PLLP: variants seen among roughly 807,000 people sequenced by gnomAD.
The protein encoded by PLLP is plasmolipin, also known as plasma membrane proteolipid (plasmolipin).
In PLLP, 15 loss-of-function variants were observed where a neutral mutation model predicts 19.7. The observed-to-expected ratio is 0.76, with a 90% CI of 0.51 to 1.17. PLLP has a LOEUF of 1.17. Among genes scored for constraint, PLLP ranks in the 50% most tolerant of loss-of-function variants. PLLP has a pLI of 0.00. For synonymous variants in PLLP, 111 were observed against 116.3 expected (o/e 0.95, Z 0.29); for missense variants, 255 against 258.3 (o/e 0.99, Z 0.09).
At chr16:57,280,560 A>C (rs11645089) in intron 1 of PLLP, among the ~76,000 whole-genome samples, 76,516 of 151,938 alleles carry the variant, frequency 0.5, 19,694 homozygotes, top group South Asian at 0.71. Context: ...ATCCATTGGC[A>C]AGAGAAAACA....
intron 1 of PLLP, among the ~76,000 whole-genome samples, chr16:57,270,983 G>A (rs545816674): frequency 6.6e-6 from 1 of 152,106 alleles, no homozygotes; most frequent in Non-Finnish European, 1.5e-5. Flanking sequence ...GCTTGGCAGC[G>A]AGGGTCGCCA....
chr16:57,284,546 C>A lies in PLLP; in HGVS notation c.-6G>T. On this transcript the variant is annotated 5_prime_UTR_variant, in exon 1 of 4. Transcript: ENST00000219207. ...TTCGACGGGAACTCGGCCATGGCGG[C>A]TCCGCTTGCCTCCCGAGGTCGCTAC... 1 of 1,346,732 alleles carries A rather than the reference C, an allele frequency of 7.4e-7. No individual in the cohort carries two copies. The highest frequency in any genetic ancestry group is 2.1e-5 in the South Asian group (1 of 47,424). The allele number at this position is 1,346,732 out of a possible 1,614,324, so 83.4% of individuals were successfully genotyped here.
At chr16:57,266,336 G>GC (rs1169080772) in intron 1 of PLLP, among the ~76,000 whole-genome samples, 1 of 152,182 alleles carries the variant, frequency 6.6e-6, no homozygotes, top group African/African-American at 2.4e-5. Flanking sequence ...CTCTGTGCCT[G>GC]CGGAGCTGCC....
intron 1 of PLLP, among the ~76,000 whole-genome samples, chr16:57,262,709 TCAGAGA>T (rs1264229706): frequency 6.6e-6 from 1 of 151,994 alleles, no homozygotes; most frequent in African/African-American, 2.4e-5. Context: ...CATGCCAACC[TCAGAGA>T]CAGAGTGAAA....
Position 57,277,393 on chromosome 16 carries a change from C to T in PLLP, c.135+7013G>A, listed in dbSNP as rs1262434891. Among the ~76,000 whole-genome samples the T allele has an allele frequency of 2.6e-5, 4 of 152,146 alleles. No homozygotes were observed. The East Asian group carries it at 5.8e-4, about 22-fold the overall frequency. On this transcript the variant is annotated intron_variant, in intron 1 of 3. Coordinates refer to ENST00000219207, the MANE Select transcript of PLLP (RefSeq NM_015993.3). ...TCACCTGAGGTCAGGAGTTTGAGAC[C>T]AGCCTGATCAACATGGTGAAACCCT...
chr16:57,273,153 G>T (rs1901097697), intron 1 of PLLP, among the ~76,000 whole-genome samples: 1 of 151,974 alleles, frequency 6.6e-6, no homozygotes, highest in African/African-American at 2.4e-5. Flanking sequence ...CCAGCTACTG[G>T]GGAGGCTGAG....
intron 1 of PLLP, among the ~76,000 whole-genome samples, chr16:57,265,415 C>A (rs2075454076): frequency 6.6e-6 from 1 of 152,224 alleles, no homozygotes; most frequent in South Asian, 2.1e-4. Context: ...ATTATTTTTT[C>A]ATTTAAAGCC....
chr16:57,269,350 G>T (rs1341674722), intron 1 of PLLP, among the ~76,000 whole-genome samples: 4 of 152,208 alleles, frequency 2.6e-5, no homozygotes, highest in African/African-American at 9.7e-5. Flanking sequence ...CTCACTGTGT[G>T]GCCTTGGGGG....
In PLLP at chr16:57,280,598, C is replaced by T. The variant is rs191128844; in HGVS notation, c.135+3808G>A. On this transcript the variant is annotated intron_variant, in intron 1 of 3. Coordinates refer to ENST00000219207, the MANE Select transcript of PLLP (RefSeq NM_015993.3). ...ACAAAACAAAACAAAGACCTGCCTC[C>T]TTTTTTAGACGCTATCTGCATAGAT... Among the ~76,000 whole-genome samples the T allele has an allele frequency of 6.4e-3, 979 of 152,226 alleles. 12 individuals carry two copies. Among genetic ancestry groups the T allele is most frequent in the African/African-American group, 0.022 (909 of 41,520 alleles).
rs1399854281 is a variant in PLLP at position 57,258,718 on chromosome 16, T to TA, written c.310-135dup. 14 of 830,558 alleles carry TA rather than the reference T, an allele frequency of 1.7e-5. No homozygotes were observed. The South Asian group carries it at 1.9e-4, about 11-fold the overall frequency. The allele number at this position is 830,558 out of a possible 1,614,324, so 51.4% of individuals were successfully genotyped here. A position where few individuals can be genotyped will look rare whatever the true frequency, so the allele number is the denominator to read the frequency against. On this transcript the variant is annotated intron_variant, in intron 2 of 3. Transcript: ENST00000219207. ...GGAAGGATCGCTTGAGCCCAGGAGT[T>TA]AGAGACCAGCCTGGGGAACATAGGT...
At chr16:57,270,872 T>C (rs1472571045) in intron 1 of PLLP, among the ~76,000 whole-genome samples, 3 of 152,158 alleles carry the variant, frequency 2.0e-5, no homozygotes, top group Non-Finnish European at 1.5e-5. Flanking sequence ...AGCTCTCTTT[T>C]CTCGTCGGAA....
intron 1 of PLLP, among the ~76,000 whole-genome samples, chr16:57,262,922 C>T (rs75910213): frequency 0.1 from 15,248 of 152,050 alleles, 924 homozygotes; most frequent in South Asian, 0.24. Flanking sequence ...CCCCCAGGCA[C>T]CCACCATCCA....
chr16:57,266,866 T>C (rs77191454), intron 1 of PLLP, among the ~76,000 whole-genome samples: 1 of 137,780 alleles, frequency 7.3e-6, no homozygotes, highest in Non-Finnish European at 1.6e-5. Context: ...ACAGGGCCTT[T>C]TTTTTTTTTT....
Position 57,261,898 on chromosome 16 carries a change from A to C in PLLP, c.308T>G (p.Val103Gly). Residue 103 changes from valine (V) to glycine (G), a missense_variant and splice_region_variant, in exon 2 of 4, where the codon GTG (valine) becomes GGG (glycine). Physicochemically the swap from Val to Gly is moderately radical, Grantham distance 109. Coordinates refer to ENST00000219207, the MANE Select transcript of PLLP (RefSeq NM_015993.3). ...MKLYMVPWPL[V>G]LMIFNISATV... ...TCCAGTACCCCCACCCAGACTCACC[A>C]CCAGTGGCCAGGGAACCATGTACAA... 1 of 1,613,676 alleles carries C rather than the reference A, an allele frequency of 6.2e-7. No homozygotes were observed. Among genetic ancestry groups the C allele is most frequent in the Non-Finnish European group, 8.5e-7 (1 of 1,179,620 alleles).
At position 57,256,805 on chromosome 16, in the gene PLLP, T is replaced by C. The variant is rs2075427121; in HGVS notation, c.*108A>G. 1.4e-6 allele frequency: 1 copy of C among 728,268 alleles called. No individual in the cohort carries two copies. Among genetic ancestry groups the C allele is most frequent in the African/African-American group, 1.7e-5 (1 of 57,874 alleles). The allele number at this position is 728,268 out of a possible 1,614,324, so 45.1% of individuals were successfully genotyped here. A position where few individuals can be genotyped will look rare whatever the true frequency, so the allele number is the denominator to read the frequency against. The stretch of plus-strand genomic sequence containing the variant: ...GGCAGAGAGGAGCAAATGCAGTCCC[T>C]GTTGGGCTGACTCCACGCAGGGCTC... On this transcript the variant is annotated 3_prime_UTR_variant, in exon 4 of 4. Coordinates refer to ENST00000219207, the MANE Select transcript of PLLP (RefSeq NM_015993.3).
At chr16:57,259,898 A>T (rs1415393213) in intron 2 of PLLP, among the ~76,000 whole-genome samples, 4 of 151,750 alleles carry the variant, frequency 2.6e-5, no homozygotes, top group African/African-American at 9.7e-5. Flanking sequence ...AATCACTTGA[A>T]CCTGGGAGGC....
At chr16:57,271,636 ACT>A (rs1320114758) in intron 1 of PLLP, among the ~76,000 whole-genome samples, 5 of 151,360 alleles carry the variant, frequency 3.3e-5, no homozygotes, top group Non-Finnish European at 7.4e-5. Context: ...TAAGAGCAAA[ACT>A]CTGTCTCAAA....
Position 57,277,895 on chromosome 16 carries a change from A to G in PLLP, c.135+6511T>C, listed in dbSNP as rs536559613. ...TTACATTTTCTTGATTACCCTTTCT[A>G]CTATTTGAGTGCTTTGTATTATGTC... On this transcript the variant is annotated intron_variant, in intron 1 of 3. Coordinates refer to ENST00000219207, the MANE Select transcript of PLLP (RefSeq NM_015993.3). Among the ~76,000 whole-genome samples the G allele has an allele frequency of 7.7e-4, 118 of 152,310 alleles. 1 individual carries two copies. The highest frequency in any genetic ancestry group is 1.7e-3 in the South Asian group (8 of 4,824).
chr16:57,270,638 C>T (rs2075471862), intron 1 of PLLP, among the ~76,000 whole-genome samples: 1 of 152,176 alleles, frequency 6.6e-6, no homozygotes, highest in South Asian at 2.1e-4. Context: ...TTGTATCACA[C>T]GAGACAAAGG....
Sources: allele counts gnomAD v4.1 joint callset (sites outside exome capture counted in the v4.1 genomes callset), GRCh38; gene constraint gnomAD v4.1.1; transcripts MANE v1.5; gene names NCBI Gene and HGNC (gene_info 2026-07-23, HGNC 2026-07-21).